Variants in KMT2D observed in about 807,000 individuals in gnomAD.
The protein encoded by KMT2D is histone-lysine N-methyltransferase 2D.
Under a neutral mutation model 512.7 loss-of-function variants are expected in KMT2D, and 55 were observed. That is an observed-to-expected ratio of 0.11 (90% confidence interval 0.09 to 0.13). The LOEUF is 0.13. KMT2D is among the 10% of genes least tolerant of loss of function. The probability of loss-of-function intolerance (pLI) is 1.00; values close to 1 mark genes in which losing one functional copy is unlikely to be tolerated. For missense variants in KMT2D, 6,061 were observed against 7,127.9 expected (o/e 0.85, Z 5.39); for synonymous variants, 2,995 against 2,904.0 (o/e 1.03, Z -1.01).
rs1010616688 is a variant in KMT2D at position 49,021,726 on chromosome 12, C to T, written c.*54G>A. On this transcript the variant is annotated 3_prime_UTR_variant, in exon 55 of 55. Transcript: ENST00000301067. ...TACCTCTCTTCCCCCTCATCCCTTT[C>T]AGGGAAGAGGTTGTGGGTAGGGGGA... 1.2e-5 allele frequency: 16 copies of T among 1,382,492 alleles called. No individual in the cohort carries two copies. Among genetic ancestry groups the T allele is most frequent in the Non-Finnish European group, 1.5e-5 (15 of 972,526 alleles). The allele number at this position is 1,382,492 out of a possible 1,614,324, so 85.6% of individuals were successfully genotyped here. A position where few individuals can be genotyped will look rare whatever the true frequency, so the allele number is the denominator to read the frequency against.
intron 35 of KMT2D, among the ~76,000 whole-genome samples, chr12:49,036,243 TG>T (rs1378174058): frequency 1.3e-5 from 2 of 152,060 alleles, no homozygotes; most frequent in African/African-American, 2.4e-5. Context: ...ATTCACTCAC[TG>T]TTCTTGAAAC....
rs1365730311 is a variant in KMT2D at position 49,024,381 on chromosome 12, T to G, written c.16052+197A>C. On this transcript the variant is annotated intron_variant, in intron 51 of 54. Coordinates refer to ENST00000301067, the MANE Select transcript of KMT2D (RefSeq NM_003482.4). The surrounding 1 kb of genome is among the most constrained non-coding windows in gnomAD (Gnocchi z 4.5). ...AGATAATTCTGTCCTATATCCCAAG[T>G]GCATCTGAGCAGGTTGGGAGAGGAG... 6.6e-6 allele frequency among the ~76,000 whole-genome samples: 1 copy of G among 152,210 alleles called. No homozygotes were observed. Among genetic ancestry groups the G allele is most frequent in the Non-Finnish European group, 1.5e-5 (1 of 68,030 alleles).
chr12:49,039,640 G>A lies in KMT2D; in HGVS notation c.8047-23C>T, dbSNP rs2120513954. ...GCGCTATGCAAAAAAAAGAGAAGAG[G>A]AATAAGCCCATTCTACTCCAATCAT... On this transcript the variant is annotated intron_variant, in intron 32 of 54. Transcript: ENST00000301067. This position sits in a 1 kb window ranked among gnomAD's most constrained non-coding sequence, Gnocchi z 5.0. 6.2e-7 allele frequency: 1 copy of A among 1,604,410 alleles called. No individual in the cohort carries two copies. The highest frequency in any genetic ancestry group is 8.5e-7 in the Non-Finnish European group (1 of 1,177,456).
intron 48 of KMT2D, among the ~76,000 whole-genome samples, chr12:49,027,564 C>G (rs1942664818): frequency 6.6e-6 from 1 of 152,168 alleles, no homozygotes; most frequent in Non-Finnish European, 1.5e-5. Flanking sequence ...ATTCTCATGC[C>G]TCAGCCTTTC....
rs1259703499 is a variant in KMT2D at position 49,051,286 on chromosome 12, AGGGGACAGATGTGGTCCCTCAGCCTGG to A, written c.2370_2396del (p.Ala792_Gln800del). 40 of 1,529,340 alleles carry A rather than the reference AGGGGACAGATGTGGTCCCTCAGCCTGG, an allele frequency of 2.6e-5. No individual in the cohort carries two copies. The highest frequency in any genetic ancestry group is 3.3e-5 in the Non-Finnish European group (38 of 1,138,994). 94.7% of individuals were successfully genotyped at this position (1,529,340 alleles called of 1,614,324 possible). On this transcript the variant is annotated inframe_deletion, in exon 11 of 55. Coordinates refer to ENST00000301067, the MANE Select transcript of KMT2D (RefSeq NM_003482.4). ...GGGACAGGTGCAATTCCTCAGGCTGAGGGGACAGATGTGGTCCCTCAGCCTGGGGGGACAAGTGTGGCTCCTCAGGCA... is the reference window on the plus strand; with the variant it reads ...GGGACAGGTGCAATTCCTCAGGCTGAGGGGACAAGTGTGGCTCCTCAGGCA...
rs201741177 is a variant in KMT2D, at chr12:49,044,168, C to T, written c.5188+32G>A. ...CTCTCTAGCATTGCCCCACCTTCTC[C>T]CAGGCCCCACTGGTGCCCTCACCCG... On this transcript the variant is annotated intron_variant, in intron 22 of 54. Coordinates refer to ENST00000301067, the MANE Select transcript of KMT2D (RefSeq NM_003482.4). This position sits in a 1 kb window ranked among gnomAD's most constrained non-coding sequence, Gnocchi z 6.4. 1.9e-5 allele frequency: 30 copies of T among 1,605,198 alleles called. No homozygotes were observed. The highest frequency in any genetic ancestry group is 5.0e-5 in the Admixed American group (3 of 59,612).
rs2120475913 is a variant in KMT2D, at chr12:49,037,222, T to G, written c.10134A>C (p.Ser3378=). The G allele has an allele frequency of 6.2e-7, 1 of 1,613,400 alleles. No individual in the cohort carries two copies. ...VPQQSSQPVL[S]QKPMGTMPPS... ...GTGGCATGGTGCCCATGGGCTTCTG[T>G]GATAGCACTGGCTGTGAGCTCTGCT... Residue 3378 remains serine, a synonymous_variant, in exon 35 of 55, where the codon TCA becomes TCC. Coordinates refer to ENST00000301067, the MANE Select transcript of KMT2D (RefSeq NM_003482.4).
Position 49,040,800 on chromosome 12 carries a change from G to A in KMT2D, c.6970C>T (p.Pro2324Ser), listed in dbSNP as rs1241636219. 4 of 1,613,604 alleles carry A rather than the reference G, an allele frequency of 2.5e-6. No homozygotes were observed. The highest frequency in any genetic ancestry group is 2.2e-5 in the South Asian group (2 of 91,092). ...GTCAGGGGGGCTTTGAAGACATCAG[G>A]TGTCTTTAACTCCAGGCCACCCAGG... is the stretch of plus-strand genomic sequence containing the variant. ...THLGGLELKT[P>S]DVFKAPLTPR... Residue 2324 changes from proline to serine, a missense_variant, in exon 32 of 55, where the codon CCT (proline) becomes TCT (serine). Physicochemically the swap from Pro to Ser is moderately conservative, Grantham distance 74. Coordinates refer to ENST00000301067, the MANE Select transcript of KMT2D (RefSeq NM_003482.4).
intron 36 of KMT2D, 52 bp downstream of exon 36, chr12:49,034,760 G>A (rs976179477): frequency 3.7e-6 from 6 of 1,607,384 alleles, no homozygotes; most frequent in Middle Eastern, 3.3e-4. Context: ...AGCCAAGAAG[G>A]GGTGTGACTG....
At chr12:49,030,803 C>A (rs753624543) in intron 41 of KMT2D, 35 bp from the exon 42 acceptor site, 5 of 1,612,768 alleles carry the variant, frequency 3.1e-6, no homozygotes, top group Non-Finnish European at 4.2e-6. Flanking sequence ...TCAAAACCTG[C>A]AGCGTTTGCA....
At chr12:49,055,584 G>A (rs1308781688) in intron 1 of KMT2D, among the ~76,000 whole-genome samples, 1 of 152,154 alleles carries the variant, frequency 6.6e-6, no homozygotes, top group Admixed American at 6.5e-5. Context: ...ATTCTCAGGG[G>A]ATCCATTTGA....
rs2120528088 is a variant in KMT2D at position 49,040,377 on chromosome 12, G to C, written c.7393C>G (p.Pro2465Ala). 6.4e-7 allele frequency: 1 copy of C among 1,565,684 alleles called. No homozygotes were observed. Among genetic ancestry groups the C allele is most frequent in the South Asian group, 1.2e-5 (1 of 83,316 alleles). ...SRPQSRDPFA[P>A]LHKPPRPQPP... ...TGGGGTCGGGGTGGCTTATGCAATG[G>C]GGCAAATGGGTCACGGGACTGAGGG... The change falls in exon 32 of 55, where the codon CCA (proline) becomes GCA (alanine). Residue 2465 changes from proline to alanine, a missense_variant. This residue lies in a region of KMT2D where 710 missense variants were observed against 647.3 expected (regional missense o/e 1.10). Coordinates refer to ENST00000301067, the MANE Select transcript of KMT2D (RefSeq NM_003482.4).
chr12:49,058,879 C>G (rs1041999443), intron 1 of KMT2D, among the ~76,000 whole-genome samples: 7 of 152,128 alleles, frequency 4.6e-5, no homozygotes, highest in Non-Finnish European at 8.8e-5. Context: ...ACGGCCTCCT[C>G]TATAATCCTC....
rs1942889515 is a variant in KMT2D, at chr12:49,031,169, A to G, written c.13530+6T>C. The G allele has an allele frequency of 2.5e-6, 4 of 1,607,018 alleles. No homozygotes were observed. Among genetic ancestry groups the G allele is most frequent in the Admixed American group, 1.7e-5 (1 of 59,878 alleles). On this transcript the variant is annotated splice_donor_region_variant and intron_variant, in intron 40 of 54. Transcript: ENST00000301067. ...CTACCTGCTCCACTCTACTCAGAGT[A>G]CTCACCTCCTTGTTGCTGGGGGTAC...
rs2120675564 is a variant in KMT2D at position 49,051,741 on chromosome 12, G to A, written c.1942C>T (p.Pro648Ser). The change falls in exon 11 of 55, where the codon CCT (proline) becomes TCT (serine). Residue 648 changes from proline to serine, a missense_variant. Around this residue, in one of 16 missense-constraint regions of KMT2D, gnomAD observed 848 missense variants for 838.5 expected, o/e 1.01. Coordinates refer to ENST00000301067, the MANE Select transcript of KMT2D (RefSeq NM_003482.4). ...AGGGGGGATAGGCGCGATACCTCAG[G>A]TGGGGGGGACATAGGTGATTCTTCA... is the stretch of plus-strand genomic sequence containing the variant. ...PPEESPMSPP[P>S]EVSRLSPLPV... The A allele has an allele frequency of 6.5e-7, 1 of 1,547,630 alleles. No homozygotes were observed. The highest frequency in any genetic ancestry group is 8.9e-7 in the Non-Finnish European group (1 of 1,122,234).
intron 43 of KMT2D, among the ~76,000 whole-genome samples, 185 bp from the exon 44 acceptor site, chr12:49,029,661 GTTTT>G (rs1023146772): frequency 3.6e-5 from 5 of 138,872 alleles, no homozygotes; most frequent in Non-Finnish European, 6.1e-5. Context: ...AGGCACTGTT[GTTTT>G]TTGTTTTTTT....
Position 49,054,621 on chromosome 12 carries a change from G to A in KMT2D, c.307C>T (p.Pro103Ser), listed in dbSNP as rs976882824. The A allele has an allele frequency of 1.9e-6, 3 of 1,613,170 alleles. No individual in the cohort carries two copies. Among genetic ancestry groups the A allele is most frequent in the Admixed American group, 1.7e-5 (1 of 59,914 alleles). The change falls in exon 4 of 55, where the codon CCA becomes TCA. Residue 103 changes from proline to serine, a missense_variant. By Grantham distance (74) the Pro-to-Ser change is moderately conservative. Around this residue, in one of 16 missense-constraint regions of KMT2D, gnomAD observed 144 missense variants for 165.7 expected, o/e 0.87. Coordinates refer to ENST00000301067, the MANE Select transcript of KMT2D (RefSeq NM_003482.4). The surrounding 1 kb of genome is among the most constrained non-coding windows in gnomAD (Gnocchi z 6.4). ...GGCAGCACTGCCTCATTGGGCCCTG[G>A]GCTCCCCCCAGGGGACACCACTGGA... Reference protein sequence around the residue: ...RCPVVSPGGSPGPNEAVLPSE... With the variant: ...RCPVVSPGGSSGPNEAVLPSE...
At position 49,052,061 on chromosome 12, in the gene KMT2D, T is replaced by C; in HGVS notation, c.1622A>G (p.Glu541Gly). 6.2e-7 allele frequency: 1 copy of C among 1,612,288 alleles called. No individual in the cohort carries two copies. The highest frequency in any genetic ancestry group is 8.5e-7 in the Non-Finnish European group (1 of 1,179,460). ...ALETPLSPPP[E>G]ASPLSPPFEE... ...AAATGGTGGGGACAGGGGCGATGCTTCAGGTGGTGGGGATAGAGGCGTCTC... is the reference window on the plus strand; with the variant it reads ...AAATGGTGGGGACAGGGGCGATGCTCCAGGTGGTGGGGATAGAGGCGTCTC... The change falls in exon 11 of 55, where the codon GAA becomes GGA. Residue 541 changes from glutamate (E) to glycine (G), a missense_variant. Physicochemically the swap from Glu to Gly is moderately conservative, Grantham distance 98 (BLOSUM62 -2). Around this residue, in one of 16 missense-constraint regions of KMT2D, gnomAD observed 848 missense variants for 838.5 expected, o/e 1.01. Coordinates refer to ENST00000301067, the MANE Select transcript of KMT2D (RefSeq NM_003482.4).
intron 6 of KMT2D, 65 bp downstream of exon 6, chr12:49,053,913 G>A (rs2120701728): frequency 6.5e-7 from 1 of 1,530,952 alleles, no homozygotes. Context: ...GCTCTGTAGA[G>A]TACAAAAATC....
Sources: gnomAD v4.1 joint callset for allele counts (sites outside exome capture counted in the v4.1 genomes callset) on GRCh38, gnomAD v4.1.1 for gene constraint, gnomAD v4.1.1 regional missense constraint, Gnocchi (gnomAD v3.1) non-coding constraint, MANE v1.5 for transcripts, NCBI Gene and HGNC (gene_info 2026-07-23, HGNC 2026-07-21) for gene names.